Variants in SLC30A10 observed in about 807,000 individuals in gnomAD.
The protein encoded by SLC30A10 is solute carrier family 30 member 10.
A neutral mutation model predicts 21.7 loss-of-function variants in SLC30A10; 8 were observed. The ratio of observed to expected loss-of-function variants is 0.37; its 90% CI spans 0.22 to 0.67. The LOEUF (loss-of-function observed/expected upper bound fraction) is 0.67. SLC30A10 is among the 30% of genes least tolerant of loss of function. The pLI is 0.58. For missense variants in SLC30A10, 521 were observed against 642.5 expected (o/e 0.81, Z 2.04); for synonymous variants, 272 against 279.4 (o/e 0.97, Z 0.26).
At chr1:219,932,670 T>G (rs1558256580), upstream of SLC30A10, among the ~76,000 whole-genome samples, 1 of 149,910 alleles carries the variant, frequency 6.7e-6, no homozygotes, top group Non-Finnish European at 1.5e-5. Context: ...TTAGAATCCA[T>G]TAAACTTAAG....
chr1:219,925,905 C>T (rs908193961), intron 2 of SLC30A10, among the ~76,000 whole-genome samples: 3 of 151,676 alleles, frequency 2.0e-5, no homozygotes, highest in Admixed American at 2.0e-4. Context: ...AGGTGATCTG[C>T]CCACCTCAGC....
At chr1:219,937,529 A>T (rs1660062462) in intron 1 of SLC30A10, among the ~76,000 whole-genome samples, 1 of 152,276 alleles carries the variant, frequency 6.6e-6, no homozygotes, top group Admixed American at 6.5e-5. Flanking sequence ...AAATTCCTTG[A>T]TGAGGCCAGG....
rs371657796 is a variant in SLC30A10 at position 219,948,635 on chromosome 1, G to A, written n.80+9933C>T. ...TTCAAGATGGATTAAAGACTTAAAC[G>A]TTAGACCTAAAACCACAAAAACCCT... On this transcript the variant is annotated intron_variant and non_coding_transcript_variant, in intron 1 of 8. Coordinates refer to the SLC30A10 transcript ENST00000484239. Among the ~76,000 whole-genome samples the A allele has an allele frequency of 4.3e-4, 65 of 152,174 alleles. 1 individual carries two copies. Among genetic ancestry groups the A allele is most frequent in the Non-Finnish European group, 3.7e-4 (25 of 68,026 alleles).
intron 1 of SLC30A10, among the ~76,000 whole-genome samples, chr1:219,942,638 C>A (rs1264138709): frequency 6.6e-6 from 1 of 152,168 alleles, no homozygotes; most frequent in Admixed American, 6.5e-5. Context: ...GTTGGTAATG[C>A]CCTCAGGCAC....
rs1479959050 is a variant in SLC30A10 at position 219,918,468 on chromosome 1, C to T, written c.745G>A (p.Ala249Thr). ...RGVLLHVMGD[A>T]LGSVVVVITA... ...ATGACCACAACCACGGACCCCAGGGCATCTCCCATCACATGCAAAAGTACA... is the reference window on the plus strand; with the variant it reads ...ATGACCACAACCACGGACCCCAGGGTATCTCCCATCACATGCAAAAGTACA... Residue 249 changes from alanine (A) to threonine (T), a missense_variant, in exon 3 of 4, where the codon GCC (alanine) becomes ACC (threonine). Ala to Thr is a moderately conservative substitution (Grantham distance 58). Transcript: ENST00000366926. The surrounding 1 kb of genome is among the most constrained non-coding windows in gnomAD (Gnocchi z 4.4). 11 of 1,606,522 alleles carry T rather than the reference C, an allele frequency of 6.8e-6. No homozygotes were observed. The Admixed American group carries it at 1.3e-4, about 20-fold the overall frequency.
chr1:219,944,163 A>G (rs1412060466), intron 1 of SLC30A10, among the ~76,000 whole-genome samples: 1 of 149,406 alleles, frequency 6.7e-6, no homozygotes, highest in African/African-American at 2.5e-5. Flanking sequence ...TAAAAAAAAA[A>G]CTGGCGGGGC....
At position 219,928,219 on chromosome 1, in the gene SLC30A10, G is replaced by A. The variant is rs887511355; in HGVS notation, c.222C>T (p.Tyr74=). 7 of 1,563,684 alleles carry A rather than the reference G, an allele frequency of 4.5e-6. No individual in the cohort carries two copies. Among genetic ancestry groups the A allele is most frequent in the East Asian group, 2.4e-5 (1 of 42,064 alleles). ...PTRGFSATYG[Y]ARAEVVGALS... is the part of the protein sequence containing the mutation. ...GCGCGCCCACCACCTCGGCGCGGGC[G>A]TAGCCGTAGGTGGCGCTGAAGCCCC... Residue 74 remains tyrosine, a synonymous_variant, in exon 1 of 4, where the codon TAC becomes TAT. Transcript: ENST00000366926. The surrounding 1 kb of genome is among the most constrained non-coding windows in gnomAD (Gnocchi z 6.3).
rs370533229 is a variant in SLC30A10, at chr1:219,942,768, G to A, written n.81-15663C>T. On this transcript the variant is annotated intron_variant and non_coding_transcript_variant, in intron 1 of 8. Coordinates refer to the SLC30A10 transcript ENST00000484239. ...CACAATCAAAAATCATGAAATGGCT[G>A]GGCAAGGTGGCTCATGCCTGAATCC... Among the ~76,000 whole-genome samples, 22 of 152,328 alleles carry A rather than the reference G, an allele frequency of 1.4e-4. No homozygotes were observed. In the East Asian group the frequency reaches 3.5e-3, roughly 24 times the overall value.
rs1177857277 is a variant in SLC30A10 at position 219,912,969 on chromosome 1, GA to G, written c.*2479del. ...TGCCAGTGTTTTTCTAATCTTAAAG[GA>G]AAACAGTGCTGTTTTAAATCTATTT... On this transcript the variant is annotated 3_prime_UTR_variant, in exon 4 of 4. Coordinates refer to ENST00000366926, the MANE Select transcript of SLC30A10 (RefSeq NM_018713.3). 6.6e-6 allele frequency among the ~76,000 whole-genome samples: 1 copy of G among 152,208 alleles called. No individual in the cohort carries two copies. The highest frequency in any genetic ancestry group is 6.5e-5 in the Admixed American group (1 of 15,284).
At chr1:219,951,700 GAC>G in intron 1 of SLC30A10, among the ~76,000 whole-genome samples, 1 of 151,258 alleles carries the variant, frequency 6.6e-6, no homozygotes, top group Non-Finnish European at 1.5e-5. Flanking sequence ...CAGCCTGGAC[GAC>G]AGAGTGAGAC....
chr1:219,929,175 C>T (rs576159761), upstream of SLC30A10, among the ~76,000 whole-genome samples: 3 of 152,344 alleles, frequency 2.0e-5, no homozygotes, highest in Admixed American at 6.5e-5. Context: ...CCATTATAAA[C>T]GGTGCAGGAT....
chr1:219,944,970 A>T (rs891851032), intron 1 of SLC30A10, among the ~76,000 whole-genome samples: 3 of 152,226 alleles, frequency 2.0e-5, no homozygotes, highest in Non-Finnish European at 4.4e-5. Context: ...AACTATATCC[A>T]TACCATGGAA....
rs1170360058 is a variant in SLC30A10, at chr1:219,911,872, T to G, written c.*3577A>C. Among the ~76,000 whole-genome samples, 1 of 152,070 alleles carries G rather than the reference T, an allele frequency of 6.6e-6. No homozygotes were observed. Among genetic ancestry groups the G allele is most frequent in the Non-Finnish European group, 1.5e-5 (1 of 68,018 alleles). On this transcript the variant is annotated 3_prime_UTR_variant, in exon 4 of 4. Transcript: ENST00000366926. ...TGGCAATGTCTGGAGACATTGGTTG[T>G]CACAACTTCGGGGGACAGTACCGGC...
At chr1:219,950,117 C>T (rs892854165) in intron 1 of SLC30A10, among the ~76,000 whole-genome samples, 4 of 152,208 alleles carry the variant, frequency 2.6e-5, no homozygotes, top group African/African-American at 7.2e-5. Context: ...CTAACATCAA[C>T]TTTGGGTTAG....
At chr1:219,947,280 G>A (rs1265955737) in intron 1 of SLC30A10, among the ~76,000 whole-genome samples, 2 of 152,152 alleles carry the variant, frequency 1.3e-5, no homozygotes, top group African/African-American at 4.8e-5. Context: ...TGTGATCCTA[G>A]GATTTTGCGA....
intron 3 of SLC30A10, 38 bp from the exon 4 acceptor site, chr1:219,915,986 G>T (rs116597246): frequency 1.7e-4 from 266 of 1,584,448 alleles, no homozygotes; most frequent in Non-Finnish European, 2.2e-4. Context: ...CAAGGTGAGC[G>T]CTGCATTTGA....
upstream of SLC30A10, among the ~76,000 whole-genome samples, chr1:219,931,545 A>G (rs1313318270): frequency 1.3e-5 from 2 of 152,106 alleles, no homozygotes; most frequent in Admixed American, 6.5e-5. Context: ...CAGTGGCCCA[A>G]TCTCAGCTCA....
At chr1:219,922,553 G>A (rs1041704425) in intron 2 of SLC30A10, among the ~76,000 whole-genome samples, 1 of 152,046 alleles carries the variant, frequency 6.6e-6, no homozygotes, top group Non-Finnish European at 1.5e-5. Context: ...GGAGGCTGAC[G>A]TGCTAAATTT....
intron 2 of SLC30A10, among the ~76,000 whole-genome samples, chr1:219,925,018 T>C (rs12064812): frequency 0.28 from 43,034 of 152,026 alleles, 6,685 homozygotes; most frequent in East Asian, 0.4. Context: ...AAGCTAAAGG[T>C]GCACTGGTGT....
Sources: allele counts gnomAD v4.1 joint callset (sites outside exome capture counted in the v4.1 genomes callset), GRCh38; gene constraint gnomAD v4.1.1; non-coding constraint Gnocchi (gnomAD v3.1); transcripts MANE v1.5; gene names NCBI Gene and HGNC (gene_info 2026-07-23, HGNC 2026-07-21).